The following LYPD8 variants were observed in gnomAD, a reference collection of about 807,000 sequenced individuals.
LYPD8 encodes the protein LY6/PLAUR domain containing 8, also known as ly6/PLAUR domain-containing protein 8.
Under a neutral mutation model 1.7 loss-of-function variants are expected in LYPD8, and 8 were observed. The ratio of observed to expected loss-of-function variants is 4.58; its 90% CI spans 2.69 to 8.27. LYPD8 has a LOEUF of 8.27. LYPD8 is among the 30% of genes most tolerant of loss of function. The pLI is 0.00. For missense variants in LYPD8, 112 were observed against 102.3 expected (o/e 1.09, Z -0.41); for synonymous variants, 50 against 43.6 (o/e 1.15, Z -0.58).
intron 5 of LYPD8, among the ~76,000 whole-genome samples, chr1:248,745,710 C>T (rs1183197316): frequency 9.2e-5 from 14 of 152,326 alleles, no homozygotes; most frequent in African/African-American, 3.4e-4. Flanking sequence ...CAGCTCTGCT[C>T]TTAATTAACT....
Position 248,745,122 on chromosome 1 carries a change from A to G in LYPD8, c.475+20T>C, listed in dbSNP as rs1662707980. ...TTTCCAGCCCAAGTCCCATAGAGGA[A>G]TTAGAACTCCAAGACTTACCATTCT... On this transcript the variant is annotated intron_variant, in intron 6 of 6. Transcript: ENST00000590317. 1 of 398,498 alleles carries G rather than the reference A, an allele frequency of 2.5e-6. No homozygotes were observed. The highest frequency in any genetic ancestry group is 4.4e-6 in the Non-Finnish European group (1 of 226,000). 24.7% of individuals were successfully genotyped at this position (398,498 alleles called of 1,614,324 possible). A position where few individuals can be genotyped will look rare whatever the true frequency, so the allele number is the denominator to read the frequency against.
Position 248,745,005 on chromosome 1 carries a change from T to C in LYPD8, c.475+137A>G, listed in dbSNP as rs1270179557. The C allele has an allele frequency of 1.3e-5, 5 of 389,786 alleles. No individual in the cohort carries two copies. In the Admixed American group the frequency reaches 1.3e-4, roughly 10 times the overall value. The allele number at this position is 389,786 out of a possible 1,614,324, so 24.1% of individuals were successfully genotyped here. A position where few individuals can be genotyped will look rare whatever the true frequency, so the allele number is the denominator to read the frequency against. Reference sequence around the variant, plus strand: ...CAAGGCTACATGAGCAGCCACTGTATTTAAAGACATTATGGCCCTTATCCC... The same window carrying C: ...CAAGGCTACATGAGCAGCCACTGTACTTAAAGACATTATGGCCCTTATCCC... On this transcript the variant is annotated intron_variant, in intron 6 of 6. Coordinates refer to ENST00000590317, the MANE Select transcript of LYPD8 (RefSeq NM_001085474.2).
chr1:248,755,527 C>G (rs936954986), intron 1 of LYPD8, 141 bp from the exon 2 acceptor site: 1 of 152,806 alleles, frequency 6.5e-6, no homozygotes, highest in Non-Finnish European at 1.5e-5. Context: ...CCCACATCCT[C>G]CCTGAACTCC....
chr1:248,752,439 C>G (rs1028518106), intron 2 of LYPD8, among the ~76,000 whole-genome samples: 12,981 of 151,772 alleles, frequency 0.086, 737 homozygotes, highest in East Asian at 0.26. Flanking sequence ...TACTGAAACA[C>G]AATCGCCTTC....
chr1:248,752,889 T>TC (rs1662838049), intron 2 of LYPD8, among the ~76,000 whole-genome samples: 1 of 25,040 alleles, frequency 4.0e-5, no homozygotes, highest in African/African-American at 2.0e-4. Flanking sequence ...ACACAACACA[T>TC]ACACACATCA....
Position 248,739,750 on chromosome 1 carries a change from A to G in LYPD8, c.575T>C (p.Ile192Thr). 1 of 1,551,724 alleles carries G rather than the reference A, an allele frequency of 6.4e-7. No homozygotes were observed. Among genetic ancestry groups the G allele is most frequent in the East Asian group, 2.4e-5 (1 of 40,918 alleles). The change falls in exon 7 of 7, where the codon ATC becomes ACC. Residue 192 changes from isoleucine (I) to threonine (T), a missense_variant. Physicochemically the swap from Ile to Thr is moderately conservative, Grantham distance 89. Transcript: ENST00000590317. This position sits in a 1 kb window ranked among gnomAD's most constrained non-coding sequence, Gnocchi z 4.3. ...SGENKTLGGV[I>T]FRKFECANVN... ...ATTTGCACACTCAAACTTTCGAAAGATGACTCCTCCAAGAGTCTTGTTTTC... is the reference window on the plus strand; with the variant it reads ...ATTTGCACACTCAAACTTTCGAAAGGTGACTCCTCCAAGAGTCTTGTTTTC...
chr1:248,752,081 C>T (rs1412736836), intron 2 of LYPD8, among the ~76,000 whole-genome samples: 4 of 152,196 alleles, frequency 2.6e-5, no homozygotes, highest in East Asian at 1.9e-4. Context: ...ACCCTATACA[C>T]GGTCGCTGTG....
intron 6 of LYPD8, among the ~76,000 whole-genome samples, chr1:248,740,599 G>T (rs577534745): frequency 2.0e-5 from 3 of 152,226 alleles, no homozygotes; most frequent in African/African-American, 7.2e-5. Context: ...CGGAGGTGAA[G>T]TGACTCCACT....
chr1:248,750,290 C>T (rs1050774280), intron 4 of LYPD8, among the ~76,000 whole-genome samples: 3 of 21,104 alleles, frequency 1.4e-4, no homozygotes, highest in Admixed American at 1.0e-3. Flanking sequence ...TTTGAGGTCA[C>T]GGGCATCAGT....
chr1:248,746,547 G>A (rs1662728861), intron 5 of LYPD8, among the ~76,000 whole-genome samples: 1 of 152,178 alleles, frequency 6.6e-6, no homozygotes, highest in African/African-American at 2.4e-5. Flanking sequence ...AAGGCAGGAA[G>A]GCTGTCCACA....
chr1:248,744,592 C>CAATGGGTAGCGTCAAATGTGGATCTCAA, intron 6 of LYPD8, among the ~76,000 whole-genome samples: 1 of 141,284 alleles, frequency 7.1e-6, no homozygotes. Flanking sequence ...GTGGATCTCA[C>CAATGGGTAGCGTCAAATGTGGATCTCAA]AATGGGTAGC....
rs1169465788 is a variant in LYPD8 at position 248,752,964 on chromosome 1, CCACACAACACA to C, written c.-49-1845_-49-1835del. Among the ~76,000 whole-genome samples the C allele has an allele frequency of 1.1e-4, 14 of 124,562 alleles. 1 individual carries two copies. The highest frequency in any genetic ancestry group is 4.1e-4 in the African/African-American group (13 of 31,400). 81.7% of individuals were successfully genotyped at this position (124,562 alleles called of 152,430 possible). A position where few individuals can be genotyped will look rare whatever the true frequency, so the allele number is the denominator to read the frequency against. On this transcript the variant is annotated intron_variant, in intron 2 of 6. Coordinates refer to ENST00000590317, the MANE Select transcript of LYPD8 (RefSeq NM_001085474.2). Reference sequence around the variant, plus strand: ...CCACATCACACACACACCAAACACCCCACACAACACACACACAACACAACACACACACAAAC... The same window carrying C: ...CCACATCACACACACACCAAACACCCCACACAACACAACACACACACAAAC...
At chr1:248,750,929 A>C (rs2103171503) in intron 3 of LYPD8, 101 bp downstream of exon 3, 2 of 398,528 alleles carry the variant, frequency 5.0e-6, no homozygotes, top group East Asian at 7.1e-5. Context: ...CCTGACCATA[A>C]TTTGACATGT....
chr1:248,741,360 C>A (rs1662594236), intron 6 of LYPD8, among the ~76,000 whole-genome samples: 1 of 152,194 alleles, frequency 6.6e-6, no homozygotes, highest in Non-Finnish European at 1.5e-5. Flanking sequence ...GCGCGTGCCA[C>A]CACATCTGGC....
intron 4 of LYPD8, among the ~76,000 whole-genome samples, chr1:248,749,314 CAATT>C (rs1662759247): frequency 6.6e-6 from 1 of 152,094 alleles, no homozygotes; most frequent in African/African-American, 2.4e-5. Flanking sequence ...ATCTTTGAAA[CAATT>C]AAGAAATGTT....
chr1:248,754,597 C>T (rs1030188434), intron 2 of LYPD8, among the ~76,000 whole-genome samples: 17,806 of 151,852 alleles, frequency 0.12, 1,504 homozygotes, highest in East Asian at 0.25. Context: ...ACATTACATG[C>T]ACACAAACCA....
chr1:248,752,610 C>CA (rs1662819169), intron 2 of LYPD8, among the ~76,000 whole-genome samples: 1 of 138,208 alleles, frequency 7.2e-6, no homozygotes, highest in African/African-American at 2.7e-5. Context: ...ACACACCCCA[C>CA]ACACATCACA....
chr1:248,753,197 CACCCCACACA>C, intron 2 of LYPD8, among the ~76,000 whole-genome samples: 1 of 122,694 alleles, frequency 8.2e-6, no homozygotes, highest in Non-Finnish European at 1.7e-5. Flanking sequence ...CACCACATCA[CACCCCACACA>C]ACACACACAC....
intron 2 of LYPD8, among the ~76,000 whole-genome samples, chr1:248,751,967 A>G (rs1662808294): frequency 1.3e-5 from 2 of 152,176 alleles, no homozygotes; most frequent in South Asian, 4.1e-4. Flanking sequence ...ATTCATTAGA[A>G]TTCGAAATTA....
Sources: allele counts gnomAD v4.1 joint callset (sites outside exome capture counted in the v4.1 genomes callset), GRCh38; gene constraint gnomAD v4.1.1; non-coding constraint Gnocchi (gnomAD v3.1); transcripts MANE v1.5; gene names NCBI Gene and HGNC (gene_info 2026-07-23, HGNC 2026-07-21).